NAV2: variants seen among roughly 807,000 people sequenced by gnomAD.
NAV2 encodes helicase, APC down-regulated 1.
NAV2 carries 54 observed loss-of-function variants against 223.2 expected under a neutral mutation model. That is an observed-to-expected ratio of 0.24 (90% CI 0.19 to 0.30). The LOEUF (loss-of-function observed/expected upper bound fraction) is 0.30, where lower values mean the gene tolerates loss of function less well. NAV2 is among the 10% of genes least tolerant of loss of function. The pLI, the probability that NAV2 is intolerant of heterozygous loss-of-function variation, is 1.00. For missense variants in NAV2, 2,806 were observed against 3,147.5 expected (o/e 0.89, Z 2.60); for synonymous variants, 1,279 against 1,239.3 (o/e 1.03, Z -0.67).
At chr11:19,669,592 T>A (rs987749828) in intron 1 of NAV2, among the ~76,000 whole-genome samples, 1 of 152,246 alleles carries the variant, frequency 6.6e-6, no homozygotes. Flanking sequence ...AGGCATTGGG[T>A]ACCATGGAGC....
chr11:20,014,454 T>G (rs890953583), intron 11 of NAV2, among the ~76,000 whole-genome samples: 2 of 152,238 alleles, frequency 1.3e-5, no homozygotes, highest in African/African-American at 4.8e-5. Flanking sequence ...CCTTTAATTT[T>G]CTGTTTAAAA....
chr11:20,062,222 G>A, intron 19 of NAV2, 85 bp from the exon 20 acceptor site: 2 of 947,878 alleles, frequency 2.1e-6, no homozygotes, highest in Admixed American at 3.8e-5. Flanking sequence ...GGAGTGTCCT[G>A]TATTGCTGAT....
intron 1 of NAV2, among the ~76,000 whole-genome samples, chr11:19,400,867 A>G (rs1010556341): frequency 6.6e-6 from 1 of 152,238 alleles, no homozygotes; most frequent in Non-Finnish European, 1.5e-5. Context: ...TTCAGATTTC[A>G]TCACAGAAGG....
chr11:19,568,848 T>G (rs1400733583), intron 1 of NAV2, among the ~76,000 whole-genome samples: 1 of 152,238 alleles, frequency 6.6e-6, no homozygotes, highest in Admixed American at 6.5e-5. Context: ...TAAGTGGATC[T>G]GATTAGGAGT....
In NAV2 at chr11:19,933,855, C is replaced by T. The variant is rs1369673502; in HGVS notation, c.1611C>T (p.Ser537=). The T allele has an allele frequency of 8.7e-6, 14 of 1,605,160 alleles. No individual in the cohort carries two copies. The highest frequency in any genetic ancestry group is 1.2e-5 in the Non-Finnish European group (14 of 1,177,272). The change falls in exon 7 of 38, where the codon TCC becomes TCT. Residue 537 remains serine (S), a synonymous_variant. Coordinates refer to ENST00000349880, the MANE Select transcript of NAV2 (RefSeq NM_145117.5). The surrounding 1 kb of genome is among the most constrained non-coding windows in gnomAD (Gnocchi z 4.3). ...AAVPEMPKKS[S]KIASFIPKGG... is the part of the protein sequence containing the mutation. ...TGCCCGAGATGCCAAAAAAGTCCTC[C>T]AAGATTGCCAGCTTCATCCCCAAAG...
chr11:19,776,123 G>T (rs1050142636), intron 1 of NAV2, among the ~76,000 whole-genome samples: 2 of 152,282 alleles, frequency 1.3e-5, no homozygotes, highest in East Asian at 1.9e-4. Flanking sequence ...CTCTGCCAGT[G>T]GGGGAGAGCC....
Position 19,933,516 on chromosome 11 carries a change from C to T in NAV2, c.1272C>T (p.Asp424=). 6.2e-7 allele frequency: 1 copy of T among 1,610,614 alleles called. No individual in the cohort carries two copies. Among genetic ancestry groups the T allele is most frequent in the Non-Finnish European group, 8.5e-7 (1 of 1,178,526 alleles). ...CAGGTGAGGGGCCGGGGTCCCGGGACACAAGCTGTGAGCGGCTGGAGACTC... is the reference window on the plus strand; with the variant it reads ...CAGGTGAGGGGCCGGGGTCCCGGGATACAAGCTGTGAGCGGCTGGAGACTC... The part of the protein sequence containing the change: ...SKAGEGPGSR[D]TSCERLETLP... The change falls in exon 7 of 38, where the codon GAC becomes GAT. Residue 424 remains aspartate, a synonymous_variant. Coordinates refer to ENST00000349880, the MANE Select transcript of NAV2 (RefSeq NM_145117.5). This position sits in a 1 kb window ranked among gnomAD's most constrained non-coding sequence, Gnocchi z 4.3.
chr11:19,756,073 A>C (rs868797348), intron 1 of NAV2, among the ~76,000 whole-genome samples: 3 of 152,132 alleles, frequency 2.0e-5, no homozygotes, highest in Non-Finnish European at 2.9e-5. Flanking sequence ...CTTTCATTTA[A>C]CCTAGAGCTC....
intron 1 of NAV2, among the ~76,000 whole-genome samples, chr11:19,409,488 C>T (rs1850048416): frequency 6.6e-6 from 1 of 152,132 alleles, no homozygotes; most frequent in African/African-American, 2.4e-5. Flanking sequence ...TTAGATAGCT[C>T]TTGGCTGCTT....
At chr11:19,552,117 C>A (rs2044709889) in intron 1 of NAV2, among the ~76,000 whole-genome samples, 1 of 152,072 alleles carries the variant, frequency 6.6e-6, no homozygotes, top group Non-Finnish European at 1.5e-5. Flanking sequence ...CTGGAGAAGG[C>A]AGCAAGACTG....
At chr11:19,415,351 T>A (rs1850321699) in intron 1 of NAV2, among the ~76,000 whole-genome samples, 1 of 151,910 alleles carries the variant, frequency 6.6e-6, no homozygotes. Flanking sequence ...CTAGAAGAAA[T>A]AGATAAATTC....
chr11:19,884,467 A>G (rs1016676014), intron 5 of NAV2: 1 of 926,714 alleles, frequency 1.1e-6, no homozygotes, highest in South Asian at 1.5e-5. Context: ...TCCTCGTTTC[A>G]TGTTTGCAGT....
intron 1 of NAV2, among the ~76,000 whole-genome samples, chr11:19,618,404 G>GGATGGATGTATGAATGAATA (rs2046871227): frequency 1.9e-4 from 7 of 36,990 alleles, no homozygotes; most frequent in Admixed American, 1.7e-3. Context: ...ATGAATAGAT[G>GGATGGATGTATGAATGAATA]GATGGATGGA....
intron 1 of NAV2, among the ~76,000 whole-genome samples, chr11:19,576,034 A>C (rs1392822266): frequency 6.6e-6 from 1 of 152,148 alleles, no homozygotes; most frequent in African/African-American, 2.4e-5. Flanking sequence ...GGCTCAAAGG[A>C]GTGAAATAAC....
intron 1 of NAV2, among the ~76,000 whole-genome samples, chr11:19,822,244 A>G (rs558714245): frequency 1.4e-4 from 22 of 152,312 alleles, no homozygotes; most frequent in Admixed American, 1.4e-3. Flanking sequence ...AGATAGGGTA[A>G]TTCTGGGCAA....
At chr11:19,778,759 A>G (rs1172851008) in intron 1 of NAV2, among the ~76,000 whole-genome samples, 1 of 152,122 alleles carries the variant, frequency 6.6e-6, no homozygotes, top group Non-Finnish European at 1.5e-5. Context: ...TTGCTATACT[A>G]TGTCATGATT....
chr11:19,775,603 CAA>C (rs1462250387), intron 1 of NAV2, among the ~76,000 whole-genome samples: 2 of 152,144 alleles, frequency 1.3e-5, no homozygotes, highest in Non-Finnish European at 2.9e-5. Context: ...AGAAAAGAAA[CAA>C]GAATACAGGT....
Position 20,048,730 on chromosome 11 carries a change from T to C in NAV2, c.3905T>C (p.Leu1302Pro), listed in dbSNP as rs373863666. Reference protein sequence around the residue: ...PDVASPTLRRLFGGKPTKQVP... With the variant: ...PDVASPTLRRPFGGKPTKQVP... ...CACAACCCTTTGTCTCTTCACAGAC[T>C]CTTTGGTGGGAAGCCTACCAAGCAA... The change falls in exon 15 of 38, where the codon CTC becomes CCC. Residue 1302 changes from leucine (L) to proline (P), a missense_variant and splice_region_variant. Leu to Pro is a moderately conservative substitution (Grantham distance 98, BLOSUM62 -3). Around this residue, in one of 4 missense-constraint regions of NAV2, gnomAD observed 742 missense variants for 777.9 expected, o/e 0.95. Coordinates refer to ENST00000349880, the MANE Select transcript of NAV2 (RefSeq NM_145117.5). 1.2e-5 allele frequency: 19 copies of C among 1,613,578 alleles called. No individual in the cohort carries two copies. Among genetic ancestry groups the C allele is most frequent in the Admixed American group, 8.3e-5 (5 of 60,000 alleles).
intron 1 of NAV2, among the ~76,000 whole-genome samples, chr11:19,443,490 T>G (rs1318168040): frequency 6.6e-6 from 1 of 152,250 alleles, no homozygotes; most frequent in Non-Finnish European, 1.5e-5. Flanking sequence ...AAGTCCCACA[T>G]GCTGAGCAAG....
Sources: allele counts gnomAD v4.1 joint callset (sites outside exome capture counted in the v4.1 genomes callset), GRCh38; gene constraint gnomAD v4.1.1; regional missense constraint gnomAD v4.1.1; non-coding constraint Gnocchi (gnomAD v3.1); transcripts MANE v1.5; gene names NCBI Gene and HGNC (gene_info 2026-07-23, HGNC 2026-07-21).